The following DLG2 variants were observed in gnomAD, a reference collection of about 807,000 sequenced individuals.
The protein encoded by DLG2 is disks large homolog 2.
Under a neutral mutation model 132.5 loss-of-function variants are expected in DLG2, and 45 were observed. The ratio of observed to expected loss-of-function variants is 0.34; its 90% confidence interval spans 0.27 to 0.44. The LOEUF (loss-of-function observed/expected upper bound fraction) is 0.44, where lower values mean the gene tolerates loss of function less well. DLG2 is among the 20% of genes least tolerant of loss of function. The probability of loss-of-function intolerance (pLI) is 1.00; values close to 1 mark genes in which losing one functional copy is unlikely to be tolerated. For synonymous variants in DLG2, 424 were observed against 419.6 expected, an observed-to-expected ratio of 1.01 and a Z score of -0.13; for missense variants, 1,045 against 1,196.9, an observed-to-expected ratio of 0.87 and a Z score of 1.87.
chr11:84,325,242 A>G (rs1213285972), intron 7 of DLG2, among the ~76,000 whole-genome samples: 20 of 152,070 alleles, frequency 1.3e-4, no homozygotes, highest in Admixed American at 1.2e-3. Flanking sequence ...TTTAAGTTCT[A>G]GGGCACATGT....
chr11:85,537,478 C>T (rs1565653379), intron 3 of DLG2, among the ~76,000 whole-genome samples: 1 of 152,064 alleles, frequency 6.6e-6, no homozygotes, highest in Non-Finnish European at 1.5e-5. Context: ...CACCAACCCA[C>T]CAGGAGGGAT....
chr11:84,107,127 A>G (rs937862867), intron 9 of DLG2, among the ~76,000 whole-genome samples: 2 of 151,876 alleles, frequency 1.3e-5, no homozygotes, highest in African/African-American at 4.8e-5. Context: ...TCTTTAGTCT[A>G]AAGGAAAGAA....
intron 9 of DLG2, among the ~76,000 whole-genome samples, chr11:84,137,372 G>T (rs1300172493): frequency 6.6e-6 from 1 of 152,060 alleles, no homozygotes; most frequent in Non-Finnish European, 1.5e-5. Context: ...AAGAAGCTGA[G>T]TTTTCTGTGA....
chr11:83,897,523 C>A (rs2072119014), intron 15 of DLG2, among the ~76,000 whole-genome samples: 1 of 152,136 alleles, frequency 6.6e-6, no homozygotes, highest in African/African-American at 2.4e-5. Flanking sequence ...ACATAAATTT[C>A]TTTGAATCTC....
At chr11:84,628,109 T>TATAC (rs1350731859) in intron 6 of DLG2, among the ~76,000 whole-genome samples, 1 of 52,986 alleles carries the variant, frequency 1.9e-5, no homozygotes, top group Admixed American at 2.1e-4. Flanking sequence ...TATACACACA[T>TATAC]ATATATATAT....
intron 7 of DLG2, among the ~76,000 whole-genome samples, chr11:84,460,750 A>G (rs2099078169): frequency 6.6e-6 from 1 of 150,760 alleles, no homozygotes; most frequent in Admixed American, 6.6e-5. Context: ...TATGAAGTAT[A>G]TATTATATGC....
At chr11:83,481,490 T>C (rs1009357766) in intron 22 of DLG2, among the ~76,000 whole-genome samples, 1 of 152,112 alleles carries the variant, frequency 6.6e-6, no homozygotes, top group African/African-American at 2.4e-5. Flanking sequence ...ATATATAAAA[T>C]TATTCTCTAA....
chr11:85,521,399 C>T (rs1248352224), intron 3 of DLG2, among the ~76,000 whole-genome samples: 1 of 152,154 alleles, frequency 6.6e-6, no homozygotes, highest in Non-Finnish European at 1.5e-5. Flanking sequence ...CCTGAGGCCT[C>T]CCCAGCCATG....
intron 3 of DLG2, among the ~76,000 whole-genome samples, chr11:85,397,784 A>T (rs1446864009): frequency 2.0e-5 from 3 of 152,060 alleles, no homozygotes; most frequent in Non-Finnish European, 4.4e-5. Context: ...AAAGCAAGTC[A>T]TCAGAGACCT....
At chr11:85,434,971 C>T (rs1327816786) in intron 3 of DLG2, among the ~76,000 whole-genome samples, 5 of 152,140 alleles carry the variant, frequency 3.3e-5, no homozygotes, top group African/African-American at 1.2e-4. Flanking sequence ...AGCTTATCCA[C>T]CACAATCAAG....
chr11:84,966,739 G>T (rs1291643638), intron 6 of DLG2, among the ~76,000 whole-genome samples: 2 of 152,124 alleles, frequency 1.3e-5, no homozygotes, highest in Non-Finnish European at 2.9e-5. Flanking sequence ...CCATGTATAA[G>T]TGAAGGATAT....
chr11:84,917,670 T>C (rs1280274724), intron 6 of DLG2, among the ~76,000 whole-genome samples: 1 of 152,210 alleles, frequency 6.6e-6, no homozygotes, highest in Non-Finnish European at 1.5e-5. Flanking sequence ...TAGCTATTAT[T>C]GTTATTGTTC....
chr11:83,927,657 G>T (rs983374736), intron 15 of DLG2, among the ~76,000 whole-genome samples: 1 of 152,104 alleles, frequency 6.6e-6, no homozygotes, highest in Admixed American at 6.6e-5. Flanking sequence ...TAATGACTTC[G>T]CATTGCATCC....
At chr11:85,087,885 T>C (rs1026458768) in intron 6 of DLG2, among the ~76,000 whole-genome samples, 10 of 145,616 alleles carry the variant, frequency 6.9e-5, no homozygotes, top group African/African-American at 2.5e-4. Context: ...CATGGAGGGA[T>C]TTGAGGACAC....
chr11:84,088,861 C>G (rs562652746), intron 10 of DLG2, among the ~76,000 whole-genome samples: 36 of 152,238 alleles, frequency 2.4e-4, no homozygotes, highest in African/African-American at 7.5e-4. Flanking sequence ...ATAAAGTCTC[C>G]CTTCTCATGA....
chr11:84,906,435 A>T (rs1246455867), intron 6 of DLG2, among the ~76,000 whole-genome samples: 2 of 149,986 alleles, frequency 1.3e-5, no homozygotes, highest in African/African-American at 4.9e-5. Context: ...GGGTGGCAAT[A>T]ATTAGTGTGC....
chr11:84,180,259 C>T (rs921869967), intron 8 of DLG2, among the ~76,000 whole-genome samples: 4 of 151,928 alleles, frequency 2.6e-5, no homozygotes, highest in Admixed American at 6.6e-5. Context: ...TTGATTCTTA[C>T]GTGGCTGAGA....
At chr11:83,940,609 CACTTTCTGTAGTATAT>C (rs1331133811) in intron 14 of DLG2, among the ~76,000 whole-genome samples, 2 of 152,158 alleles carry the variant, frequency 1.3e-5, no homozygotes, top group East Asian at 3.9e-4. Flanking sequence ...TTGTTTTAAA[CACTTTCTGTAGTATAT>C]ACTTGCCCTC....
At chr11:84,598,236 A>G (rs923893271) in intron 6 of DLG2, among the ~76,000 whole-genome samples, 1 of 152,160 alleles carries the variant, frequency 6.6e-6, no homozygotes, top group African/African-American at 2.4e-5. Flanking sequence ...GAAACCACCA[A>G]CTAGTACTTG....
Sources: allele counts gnomAD v4.1 joint callset (sites outside exome capture counted in the v4.1 genomes callset), GRCh38; gene constraint gnomAD v4.1.1; transcripts MANE v1.5; gene names NCBI Gene and HGNC (gene_info 2026-07-23, HGNC 2026-07-21).